The following PCCA variants were observed in gnomAD, a reference collection of about 807,000 sequenced individuals.
The protein encoded by PCCA is propionyl-CoA carboxylase alpha chain, mitochondrial.
In PCCA, 74 loss-of-function variants were observed where a neutral mutation model predicts 101.3. The observed-to-expected ratio is 0.73, with a 90% CI of 0.61 to 0.89. PCCA has a LOEUF of 0.89. Ranked by LOEUF, PCCA falls within the 40% of genes least tolerant of loss-of-function variation. The probability of loss-of-function intolerance (pLI) is 0.00; values close to 1 mark genes in which losing one functional copy is unlikely to be tolerated. For synonymous variants in PCCA, 294 were observed against 313.6 expected, an observed-to-expected ratio of 0.94 and a Z score of 0.66; for missense variants, 891 against 907.0, an observed-to-expected ratio of 0.98 and a Z score of 0.23.
At chr13:100,295,970 C>T (rs2065497005) in intron 12 of PCCA, among the ~76,000 whole-genome samples, 1 of 152,168 alleles carries the variant, frequency 6.6e-6, no homozygotes, top group South Asian at 2.1e-4. Context: ...GAATCTTGCT[C>T]ACCTTCAGGA....
At chr13:100,403,694 G>C (rs2077503202) in intron 19 of PCCA, among the ~76,000 whole-genome samples, 4 of 152,088 alleles carry the variant, frequency 2.6e-5, no homozygotes, top group Admixed American at 2.0e-4. Context: ...TTTGAATGGT[G>C]AGTAAGACAG....
At chr13:100,197,185 C>CA (rs1264567303) in intron 6 of PCCA, among the ~76,000 whole-genome samples, 2 of 152,082 alleles carry the variant, frequency 1.3e-5, no homozygotes, top group African/African-American at 4.8e-5. Flanking sequence ...TCTCAGCATT[C>CA]AAATGTTCTC....
rs12100195 is a variant in PCCA, at chr13:100,146,666, G to A, written c.301-8313G>A. On this transcript the variant is annotated intron_variant, in intron 4 of 23. Transcript: ENST00000376285. ...CAAACTCACTAATAACCAGGAAAATGCGAATTAAAAAAATGAATCATTTTT... is the reference window on the plus strand; with the variant it reads ...CAAACTCACTAATAACCAGGAAAATACGAATTAAAAAAATGAATCATTTTT... 1.2e-3 allele frequency among the ~76,000 whole-genome samples: 189 copies of A among 151,708 alleles called. 1 individual carries two copies. Among genetic ancestry groups the A allele is most frequent in the African/African-American group, 4.2e-3 (174 of 41,274 alleles).
chr13:100,472,035 TG>T (rs774204035), intron 21 of PCCA, among the ~76,000 whole-genome samples: 2 of 152,174 alleles, frequency 1.3e-5, no homozygotes, highest in Non-Finnish European at 2.9e-5. Context: ...GGAAGGGTCT[TG>T]AAAGCAGATT....
At chr13:100,253,900 C>G (rs1274076822) in intron 8 of PCCA, among the ~76,000 whole-genome samples, 2 of 150,090 alleles carry the variant, frequency 1.3e-5, no homozygotes, top group Non-Finnish European at 3.0e-5. Flanking sequence ...CTAGGACTTT[C>G]ACCTCCTTTT....
At chr13:100,384,218 G>T (rs2076381719) in intron 19 of PCCA, among the ~76,000 whole-genome samples, 1 of 152,134 alleles carries the variant, frequency 6.6e-6, no homozygotes, top group African/African-American at 2.4e-5. Context: ...TAGAGACGGG[G>T]TTTCACCCTG....
intron 17 of PCCA, among the ~76,000 whole-genome samples, chr13:100,331,320 A>G (rs1258948581): frequency 6.6e-6 from 1 of 152,242 alleles, no homozygotes; most frequent in African/African-American, 2.4e-5. Flanking sequence ...GAGACTTAAT[A>G]GAAATGTTAC....
intron 21 of PCCA, among the ~76,000 whole-genome samples, chr13:100,452,476 C>T (rs955009759): frequency 1.3e-5 from 2 of 152,138 alleles, no homozygotes; most frequent in African/African-American, 4.8e-5. Flanking sequence ...GGTCTCTGCC[C>T]TTGTTTTTCT....
At chr13:100,398,822 C>G (rs2077181414) in intron 19 of PCCA, among the ~76,000 whole-genome samples, 1 of 152,114 alleles carries the variant, frequency 6.6e-6, no homozygotes, top group Admixed American at 6.5e-5. Flanking sequence ...CACTACATTA[C>G]TTCCCGTAAG....
chr13:100,172,695 T>C (rs1160974064), intron 6 of PCCA, among the ~76,000 whole-genome samples: 2 of 152,240 alleles, frequency 1.3e-5, no homozygotes, highest in Non-Finnish European at 2.9e-5. Flanking sequence ...TATGAATGCG[T>C]GAGATTTCAA....
chr13:100,295,535 A>G (rs914943501), intron 12 of PCCA, among the ~76,000 whole-genome samples: 4 of 152,256 alleles, frequency 2.6e-5, no homozygotes, highest in African/African-American at 9.6e-5. Context: ...AAAAAATTTC[A>G]GCATTCTCTC....
chr13:100,303,254 G>A (rs749613574), intron 14 of PCCA, among the ~76,000 whole-genome samples: 10 of 152,144 alleles, frequency 6.6e-5, no homozygotes, highest in East Asian at 1.9e-4. Flanking sequence ...CAATTCTTTC[G>A]AAAATTATAA....
chr13:100,182,098 C>CTTTTTTTTTTTTTTTTTTTTTT (rs558498604), intron 6 of PCCA, among the ~76,000 whole-genome samples: 1 of 105,452 alleles, frequency 9.5e-6, no homozygotes, highest in African/African-American at 3.8e-5. Flanking sequence ...TTTTCTTTTT[C>CTTTTTTTTTTTTTTTTTTTTTT]TTTTTTTTTT....
chr13:100,203,551 C>T (rs1051357287), intron 6 of PCCA, among the ~76,000 whole-genome samples: 4 of 150,746 alleles, frequency 2.7e-5, no homozygotes, highest in Non-Finnish European at 3.0e-5. Context: ...CATATTAGCC[C>T]GGCATGGTGG....
intron 21 of PCCA, among the ~76,000 whole-genome samples, chr13:100,459,230 A>T (rs1353741721): frequency 6.6e-6 from 1 of 152,154 alleles, no homozygotes; most frequent in Non-Finnish European, 1.5e-5. Context: ...TTAACTCATT[A>T]TGTCTGCAAA....
At chr13:100,485,415 AGC>A (rs1237585109) in intron 21 of PCCA, among the ~76,000 whole-genome samples, 1 of 152,260 alleles carries the variant, frequency 6.6e-6, no homozygotes, top group Non-Finnish European at 1.5e-5. Context: ...GAACGCAGAT[AGC>A]ACAACCATAT....
chr13:100,194,194 A>G (rs1192711303), intron 6 of PCCA, among the ~76,000 whole-genome samples: 2 of 152,176 alleles, frequency 1.3e-5, no homozygotes, highest in Non-Finnish European at 2.9e-5. Flanking sequence ...GAATATCCCA[A>G]CTGTAGGTAC....
intron 10 of PCCA, among the ~76,000 whole-genome samples, chr13:100,268,332 T>C (rs2063079885): frequency 6.6e-6 from 1 of 152,156 alleles, no homozygotes; most frequent in African/African-American, 2.4e-5. Context: ...ATGTTTGTAA[T>C]AAAGCTGCGG....
intron 18 of PCCA, among the ~76,000 whole-genome samples, chr13:100,355,074 A>C (rs1250030123): frequency 6.6e-6 from 1 of 152,224 alleles, no homozygotes; most frequent in East Asian, 1.9e-4. Flanking sequence ...AATAGTGGCA[A>C]ACTGAATCCA....
Sources: allele counts gnomAD v4.1 joint callset (sites outside exome capture counted in the v4.1 genomes callset), GRCh38; gene constraint gnomAD v4.1.1; transcripts MANE v1.5; gene names NCBI Gene and HGNC (gene_info 2026-07-23, HGNC 2026-07-21).